Variants in RPTOR observed in about 807,000 individuals in gnomAD.
RPTOR encodes regulatory associated protein of MTOR complex 1.
A neutral mutation model predicts 169.9 loss-of-function variants in RPTOR; 21 were observed. The ratio of observed to expected loss-of-function variants is 0.12; its 90% CI spans 0.09 to 0.18. The LOEUF is 0.18. Ranked by LOEUF, RPTOR falls within the 10% of genes least tolerant of loss-of-function variation. The pLI is 1.00. For synonymous variants in RPTOR, 732 were observed against 753.2 expected (o/e 0.97, Z 0.46); for missense variants, 1,133 against 1,855.9 (o/e 0.61, Z 7.16).
chr17:80,885,052 C>T lies in RPTOR; in HGVS notation c.1887C>T (p.Asn629=). The T allele has an allele frequency of 6.2e-7, 1 of 1,609,200 alleles. No individual in the cohort carries two copies. Among genetic ancestry groups the T allele is most frequent in the Non-Finnish European group, 8.5e-7 (1 of 1,178,554 alleles). The change falls in exon 17 of 34, where the codon AAC becomes AAT. Residue 629 remains asparagine (N), a synonymous_variant. Transcript: ENST00000306801. The part of the protein sequence containing the change: ...AVFALGTFVG[N]SAERTDHSTT... Reference sequence around the variant, plus strand: ...TCGCCCTTGGCACGTTCGTGGGCAACTCTGCAGAGAGGACGGACCACTCCA... The same window carrying T: ...TCGCCCTTGGCACGTTCGTGGGCAATTCTGCAGAGAGGACGGACCACTCCA...
chr17:80,837,206 G>A (rs943163699), intron 9 of RPTOR, among the ~76,000 whole-genome samples: 3 of 152,136 alleles, frequency 2.0e-5, no homozygotes, highest in African/African-American at 4.8e-5. Context: ...GCACATCACC[G>A]GGGTCATCTG....
At chr17:80,788,764 TAATAAGCACTA>T (rs1227157260) in intron 6 of RPTOR, among the ~76,000 whole-genome samples, 1 of 152,228 alleles carries the variant, frequency 6.6e-6, no homozygotes, top group Non-Finnish European at 1.5e-5. Flanking sequence ...GGTCGCCAAA[TAATAAGCACTA>T]AATAAGCAAC....
At chr17:80,697,198 G>T (rs902656927) in intron 3 of RPTOR, among the ~76,000 whole-genome samples, 3 of 152,222 alleles carry the variant, frequency 2.0e-5, no homozygotes, top group Admixed American at 6.5e-5. Context: ...CCCGAAGGTG[G>T]GAAAATCCCT....
At chr17:80,723,061 A>C (rs74002861) in intron 4 of RPTOR, among the ~76,000 whole-genome samples, 13,741 of 151,230 alleles carry the variant, frequency 0.091, 956 homozygotes, top group East Asian at 0.25. Context: ...TGAGGATCAA[A>C]GTTTTGGGAA....
intron 1 of RPTOR, among the ~76,000 whole-genome samples, chr17:80,602,366 A>C (rs1599592649): frequency 1.8e-5 from 1 of 54,288 alleles, no homozygotes; most frequent in Non-Finnish European, 3.9e-5. Flanking sequence ...CTGGCTGGGC[A>C]GGGGGGCTGA....
intron 6 of RPTOR, among the ~76,000 whole-genome samples, chr17:80,771,948 T>A (rs1052619653): frequency 4.6e-5 from 7 of 152,180 alleles, no homozygotes; most frequent in African/African-American, 1.2e-4. Flanking sequence ...GCCTCCCTGG[T>A]AACTGGGTCT....
At position 80,732,743 on chromosome 17, in the gene RPTOR, A is replaced by T. The variant is rs557765034; in HGVS notation, c.654+2037A>T. Among the ~76,000 whole-genome samples, 3 of 152,382 alleles carry T rather than the reference A, an allele frequency of 2.0e-5. No homozygotes were observed. In the East Asian group the frequency reaches 5.8e-4, roughly 29 times the overall value. The stretch of plus-strand genomic sequence containing the variant: ...AAACAGTGGAAATTAAAATGATAAA[A>T]TTAGCTCCTAGCTAATAGCTTAATG... On this transcript the variant is annotated intron_variant, in intron 5 of 33. Transcript: ENST00000306801.
intron 3 of RPTOR, among the ~76,000 whole-genome samples, chr17:80,692,240 T>C (rs2065998580): frequency 6.6e-6 from 1 of 152,118 alleles, no homozygotes; most frequent in Admixed American, 6.5e-5. Context: ...GCCTCTCAAG[T>C]AGCCAAGACT....
At chr17:80,719,778 AC>A (rs1258258238) in intron 4 of RPTOR, among the ~76,000 whole-genome samples, 1 of 151,936 alleles carries the variant, frequency 6.6e-6, no homozygotes, top group Admixed American at 6.6e-5. Flanking sequence ...TCACCAGTAA[AC>A]CCCAGTCCCG....
intron 12 of RPTOR, among the ~76,000 whole-genome samples, chr17:80,856,739 A>G (rs575083847): frequency 1.3e-5 from 2 of 152,348 alleles, no homozygotes; most frequent in African/African-American, 4.8e-5. Context: ...AGAAGACAGG[A>G]AGCATGTATT....
intron 11 of RPTOR, among the ~76,000 whole-genome samples, chr17:80,851,277 A>T (rs918363925): frequency 2.0e-5 from 3 of 152,198 alleles, no homozygotes; most frequent in African/African-American, 2.4e-5. Context: ...AATAAATCTC[A>T]GTAACTCATT....
rs573054141 is a variant in RPTOR, at chr17:80,964,584, C to T, written c.*254C>T. ...GAGCACCAGCATCCAGGTGCACCCC[C>T]GCGGCCACGGCGCCTCTGTCCCTCT... On this transcript the variant is annotated 3_prime_UTR_variant, in exon 34 of 34. Transcript: ENST00000306801. 5.9e-5 allele frequency: 33 copies of T among 562,306 alleles called. No homozygotes were observed. Among genetic ancestry groups the T allele is most frequent in the East Asian group, 1.8e-4 (6 of 34,052 alleles). 34.8% of individuals were successfully genotyped at this position (562,306 alleles called of 1,614,324 possible). A position where few individuals can be genotyped will look rare whatever the true frequency, so the allele number is the denominator to read the frequency against.
intron 7 of RPTOR, among the ~76,000 whole-genome samples, chr17:80,797,049 G>GT (rs1297777063): frequency 4.6e-5 from 7 of 152,094 alleles, no homozygotes; most frequent in Non-Finnish European, 5.9e-5. Context: ...CTATTTTTAT[G>GT]TTTTTTTAAT....
At chr17:80,917,134 A>G (rs2068682697) in intron 21 of RPTOR, among the ~76,000 whole-genome samples, 1 of 143,264 alleles carries the variant, frequency 7.0e-6, no homozygotes, top group Non-Finnish European at 1.5e-5. Context: ...TTTTTTTGAG[A>G]CTGAGTCTCA....
intron 28 of RPTOR, among the ~76,000 whole-genome samples, chr17:80,955,651 T>A (rs750327984): frequency 6.6e-6 from 1 of 152,118 alleles, no homozygotes; most frequent in Non-Finnish European, 1.5e-5. Context: ...ACAGAATATA[T>A]ATAAAAATAT....
At chr17:80,554,737 C>G (rs975598562) in intron 1 of RPTOR, among the ~76,000 whole-genome samples, 1 of 120,280 alleles carries the variant, frequency 8.3e-6, no homozygotes, top group Non-Finnish European at 1.7e-5. Context: ...GAGTGAGACT[C>G]TGTCTCAAAA....
chr17:80,966,048 A>G lies in RPTOR; in HGVS notation c.*1718A>G, dbSNP rs529499577. ...TCCTTCAACTCAATTCTTACCCAAC[A>G]CGCGTTTCTGTTTGTTTTGAGACAA... On this transcript the variant is annotated 3_prime_UTR_variant, in exon 34 of 34. Transcript: ENST00000306801. 4.3e-6 allele frequency: 1 copy of G among 230,464 alleles called. No homozygotes were observed. Among genetic ancestry groups the G allele is most frequent in the Admixed American group, 5.7e-5 (1 of 17,606 alleles). The allele number at this position is 230,464 out of a possible 1,614,324, so 14.3% of individuals were successfully genotyped here. A position where few individuals can be genotyped will look rare whatever the true frequency, so the allele number is the denominator to read the frequency against.
At chr17:80,771,600 GT>G (rs1555617266) in intron 6 of RPTOR, among the ~76,000 whole-genome samples, 2 of 150,802 alleles carry the variant, frequency 1.3e-5, no homozygotes, top group Non-Finnish European at 2.9e-5. Flanking sequence ...GTTTACCCTG[GT>G]TGTTTGTGTT....
At chr17:80,812,624 G>A (rs2067284756) in intron 7 of RPTOR, among the ~76,000 whole-genome samples, 1 of 152,094 alleles carries the variant, frequency 6.6e-6, no homozygotes, top group South Asian at 2.1e-4. Flanking sequence ...AAGAGAGGTG[G>A]CCCCAAACGA....
Sources: gnomAD v4.1 joint callset for allele counts (sites outside exome capture counted in the v4.1 genomes callset) on GRCh38, gnomAD v4.1.1 for gene constraint, MANE v1.5 for transcripts, NCBI Gene and HGNC (gene_info 2026-07-23, HGNC 2026-07-21) for gene names.